The following CREBL2 variants were observed in gnomAD, a reference collection of about 807,000 sequenced individuals.
CREBL2 encodes cAMP-responsive element-binding protein-like 2.
A neutral mutation model predicts 19.5 loss-of-function variants in CREBL2; 4 were observed. The ratio of observed to expected loss-of-function variants is 0.20; its 90% CI spans 0.10 to 0.47. The LOEUF (loss-of-function observed/expected upper bound fraction) is 0.47. Ranked by LOEUF, CREBL2 falls within the 20% of genes least tolerant of loss-of-function variation. The pLI is 0.98. For synonymous variants in CREBL2, 42 were observed against 46.6 expected (o/e 0.90, Z 0.40); for missense variants, 85 against 145.1 (o/e 0.59, Z 2.13).
Position 12,617,341 on chromosome 12 carries a change from G to T in CREBL2, c.15+5154G>T, listed in dbSNP as rs572435393. ...CAGATTTGGCATCTCTAAAGTGGGG[G>T]TTTAGGAAAGTGTTAAGTAGCAGAG... On this transcript the variant is annotated intron_variant, in intron 1 of 3. Transcript: ENST00000228865. 3.9e-3 allele frequency among the ~76,000 whole-genome samples: 596 copies of T among 152,270 alleles called. 3 individuals are homozygous for T. The highest frequency in any genetic ancestry group is 0.014 in the African/African-American group (568 of 41,550).
intron 1 of CREBL2, 132 bp downstream of exon 1, chr12:12,612,319 T>C (rs896699452): frequency 4.0e-6 from 6 of 1,511,382 alleles, no homozygotes; most frequent in Non-Finnish European, 9.0e-7. Context: ...GCCTCTCCAG[T>C]CCACTGCCCG....
intron 1 of CREBL2, among the ~76,000 whole-genome samples, chr12:12,634,394 C>A (rs1945459958): frequency 6.6e-6 from 1 of 152,178 alleles, no homozygotes; most frequent in Non-Finnish European, 1.5e-5. Flanking sequence ...TGAGAGGTTG[C>A]TTTATGACAT....
At chr12:12,630,266 G>T (rs960242838) in intron 1 of CREBL2, among the ~76,000 whole-genome samples, 8 of 152,044 alleles carry the variant, frequency 5.3e-5, no homozygotes, top group Non-Finnish European at 1.2e-4. Context: ...ATTACTGATT[G>T]TGTCTTGTTA....
At chr12:12,634,038 G>A (rs1945458145) in intron 1 of CREBL2, among the ~76,000 whole-genome samples, 1 of 152,184 alleles carries the variant, frequency 6.6e-6, no homozygotes, top group African/African-American at 2.4e-5. Flanking sequence ...GAAAAATAAA[G>A]TGGATAATCA....
intron 2 of CREBL2, among the ~76,000 whole-genome samples, chr12:12,637,057 T>C (rs975417573): frequency 6.6e-6 from 1 of 152,214 alleles, no homozygotes; most frequent in Non-Finnish European, 1.5e-5. Context: ...CTTTCTGCAG[T>C]GTAAGCCACT....
At chr12:12,634,520 GTATA>G (rs149059178) in intron 1 of CREBL2, among the ~76,000 whole-genome samples, 1 of 151,846 alleles carries the variant, frequency 6.6e-6, no homozygotes, top group African/African-American at 2.4e-5. Flanking sequence ...ATTTATGTGT[GTATA>G]TATATACGAT....
At chr12:12,619,026 G>A (rs1010195603) in intron 1 of CREBL2, among the ~76,000 whole-genome samples, 19 of 152,158 alleles carry the variant, frequency 1.2e-4, no homozygotes, top group African/African-American at 4.1e-4. Flanking sequence ...GAGGGAGACC[G>A]TGGAAAGTGG....
rs1225937920 is a variant in CREBL2, at chr12:12,644,496, A to G, written c.*2498A>G. On this transcript the variant is annotated 3_prime_UTR_variant, in exon 4 of 4. Transcript: ENST00000228865. ...TTTTCTTATTTTCCCAAAGAAAGAAAAGGGGGAAAATATATTTGTATGTTT... is the reference window on the plus strand; with the variant it reads ...TTTTCTTATTTTCCCAAAGAAAGAAGAGGGGGAAAATATATTTGTATGTTT... 6.6e-6 allele frequency: 1 copy of G among 152,634 alleles called. No individual in the cohort carries two copies. The highest frequency in any genetic ancestry group is 6.5e-5 in the Admixed American group (1 of 15,276). The allele number at this position is 152,634 out of a possible 1,614,324, so 9.5% of individuals were successfully genotyped here. A position where few individuals can be genotyped will look rare whatever the true frequency, so the allele number is the denominator to read the frequency against.
chr12:12,638,471 A>G (rs573019094), intron 3 of CREBL2, among the ~76,000 whole-genome samples: 1 of 152,184 alleles, frequency 6.6e-6, no homozygotes, highest in Non-Finnish European at 1.5e-5. Flanking sequence ...CTTAGATTCT[A>G]AATATTAAAA....
At chr12:12,622,678 A>G (rs181301597) in intron 1 of CREBL2, among the ~76,000 whole-genome samples, 2 of 152,224 alleles carry the variant, frequency 1.3e-5, no homozygotes, top group Non-Finnish European at 2.9e-5. Context: ...CTTTCTGTAG[A>G]TCTGGCAAAT....
At chr12:12,617,203 G>T (rs368708692) in intron 1 of CREBL2, among the ~76,000 whole-genome samples, 1 of 152,172 alleles carries the variant, frequency 6.6e-6, no homozygotes, top group East Asian at 1.9e-4. Context: ...GAATCAGGGT[G>T]ACATTAAGGA....
intron 1 of CREBL2, among the ~76,000 whole-genome samples, chr12:12,617,021 G>A (rs977072093): frequency 6.6e-5 from 10 of 152,162 alleles, no homozygotes; most frequent in African/African-American, 2.2e-4. Flanking sequence ...ATTCTGAGTT[G>A]TTTTTACCAG....
At chr12:12,625,164 G>A (rs541900744) in intron 1 of CREBL2, among the ~76,000 whole-genome samples, 15 of 152,278 alleles carry the variant, frequency 9.9e-5, no homozygotes, top group Admixed American at 2.0e-4. Flanking sequence ...GGAAAACAGG[G>A]ATGTAAGTTC....
intron 3 of CREBL2, among the ~76,000 whole-genome samples, chr12:12,638,523 A>T (rs900908902): frequency 1.3e-5 from 2 of 152,188 alleles, no homozygotes; most frequent in African/African-American, 4.8e-5. Context: ...TGATAAATTT[A>T]TCGAAATTTT....
At position 12,612,075 on chromosome 12, in the gene CREBL2, T is replaced by A; in HGVS notation, c.-98T>A. ...CGAGAGGAGGAGGCAGCCAGAACCA[T>A]ATCCCCTTCTTCCTCGGGGCGGGGG... On this transcript the variant is annotated 5_prime_UTR_variant, in exon 1 of 4. Coordinates refer to ENST00000228865, the MANE Select transcript of CREBL2 (RefSeq NM_001310.4). 1 of 1,461,814 alleles carries A rather than the reference T, an allele frequency of 6.8e-7. No homozygotes were observed. The highest frequency in any genetic ancestry group is 9.5e-7 in the Non-Finnish European group (1 of 1,054,178). 90.6% of individuals were successfully genotyped at this position (1,461,814 alleles called of 1,614,324 possible).
intron 1 of CREBL2, among the ~76,000 whole-genome samples, chr12:12,627,019 C>T (rs1384014937): frequency 6.6e-6 from 1 of 151,902 alleles, no homozygotes; most frequent in African/African-American, 2.4e-5. Flanking sequence ...GTAAAAAGTT[C>T]AGTGATTGTC....
chr12:12,613,417 T>C (rs1452562682), intron 1 of CREBL2, among the ~76,000 whole-genome samples: 1 of 152,190 alleles, frequency 6.6e-6, no homozygotes, highest in Non-Finnish European at 1.5e-5. Flanking sequence ...TTTGTTTGGG[T>C]GTCTTTTTTT....
At chr12:12,612,815 AATAG>A (rs1382720618) in intron 1 of CREBL2, among the ~76,000 whole-genome samples, 2 of 152,186 alleles carry the variant, frequency 1.3e-5, no homozygotes, top group East Asian at 3.8e-4. Context: ...ATTATAAAAT[AATAG>A]ATAATGTTCA....
Position 12,645,006 on chromosome 12 carries a change from AAG to A in CREBL2, c.*3009_*3010del, listed in dbSNP as rs1288609111. 1.3e-5 allele frequency: 2 copies of A among 152,198 alleles called. No individual in the cohort carries two copies. The highest frequency in any genetic ancestry group is 2.4e-5 in the African/African-American group (1 of 41,454). The allele number at this position is 152,198 out of a possible 1,614,324, so 9.4% of individuals were successfully genotyped here. A position where few individuals can be genotyped will look rare whatever the true frequency, so the allele number is the denominator to read the frequency against. ...TCAGCCTGCTTTCTCATCTGTAAAAAAGGGGGGAGGATAACTTTCACAGGGTA... is the reference window on the plus strand; with the variant it reads ...TCAGCCTGCTTTCTCATCTGTAAAAAGGGGGAGGATAACTTTCACAGGGTA... On this transcript the variant is annotated 3_prime_UTR_variant, in exon 4 of 4. Coordinates refer to ENST00000228865, the MANE Select transcript of CREBL2 (RefSeq NM_001310.4).
Sources: allele counts gnomAD v4.1 joint callset (sites outside exome capture counted in the v4.1 genomes callset), GRCh38; gene constraint gnomAD v4.1.1; transcripts MANE v1.5; gene names NCBI Gene and HGNC (gene_info 2026-07-23, HGNC 2026-07-21).